The following PTPRD variants were observed in gnomAD, a reference collection of about 807,000 sequenced individuals.
The protein encoded by PTPRD is receptor-type tyrosine-protein phosphatase delta.
PTPRD carries 34 observed loss-of-function variants against 214.5 expected under a neutral mutation model. The observed-to-expected ratio is 0.16, with a 90% confidence interval of 0.12 to 0.21. PTPRD has a LOEUF of 0.21. Among genes scored for constraint, PTPRD ranks in the 10% least tolerant of loss-of-function variants. PTPRD has a pLI of 1.00. For synonymous variants in PTPRD, 1,128 were observed against 845.7 expected, an observed-to-expected ratio of 1.33 and a Z score of -5.79; for missense variants, 2,545 against 2,398.7, an observed-to-expected ratio of 1.06 and a Z score of -1.27.
At chr9:10,018,888 A>G (rs2096784467) in intron 4 of PTPRD, among the ~76,000 whole-genome samples, 1 of 152,088 alleles carries the variant, frequency 6.6e-6, no homozygotes, top group Non-Finnish European at 1.5e-5. Context: ...AATATGCACA[A>G]TACTTTAAGG....
chr9:8,559,824 G>A (rs753571020), intron 14 of PTPRD, among the ~76,000 whole-genome samples: 12 of 152,114 alleles, frequency 7.9e-5, no homozygotes, highest in Admixed American at 2.0e-4. Flanking sequence ...ACACCATTTC[G>A]ACTCTCAAAG....
intron 5 of PTPRD, among the ~76,000 whole-genome samples, chr9:9,924,469 G>T (rs2083571814): frequency 6.6e-6 from 1 of 151,798 alleles, no homozygotes; most frequent in Admixed American, 6.6e-5. Context: ...AAAAATAAAA[G>T]CAAATTTTAA....
At chr9:8,962,906 C>A (rs557267357) in intron 11 of PTPRD, 1 of 151,980 alleles carries the variant, frequency 6.6e-6, no homozygotes. Flanking sequence ...CTCCTTTAAC[C>A]GGCAATGTGG....
intron 7 of PTPRD, among the ~76,000 whole-genome samples, chr9:9,666,482 C>T (rs149749802): frequency 4.6e-5 from 7 of 152,046 alleles, no homozygotes; most frequent in South Asian, 2.1e-4. Flanking sequence ...CTTTTACTTT[C>T]TCCTTTGTGT....
chr9:8,822,310 CCTAA>C (rs2097086111), intron 11 of PTPRD, among the ~76,000 whole-genome samples: 1 of 152,094 alleles, frequency 6.6e-6, no homozygotes, highest in African/African-American at 2.4e-5. Context: ...GCTCTAGTAC[CCTAA>C]CTGCTATCAA....
chr9:9,119,169 G>A (rs2099815188), intron 10 of PTPRD, among the ~76,000 whole-genome samples: 1 of 152,128 alleles, frequency 6.6e-6, no homozygotes, highest in Admixed American at 6.5e-5. Flanking sequence ...GTTTAACCTT[G>A]TTGAGTTTAT....
intron 7 of PTPRD, among the ~76,000 whole-genome samples, chr9:9,626,969 G>A (rs1235094046): frequency 1.3e-5 from 2 of 152,178 alleles, no homozygotes; most frequent in Admixed American, 6.5e-5. Flanking sequence ...AGATAATTTA[G>A]GAATAGTATA....
At chr9:9,904,846 A>T (rs1364294730) in intron 5 of PTPRD, among the ~76,000 whole-genome samples, 1 of 152,082 alleles carries the variant, frequency 6.6e-6, no homozygotes, top group Non-Finnish European at 1.5e-5. Context: ...GAGAAATCGT[A>T]GGTGGGCAAT....
At chr9:10,306,777 G>T (rs948820871) in intron 3 of PTPRD, among the ~76,000 whole-genome samples, 1 of 152,084 alleles carries the variant, frequency 6.6e-6, no homozygotes, top group East Asian at 1.9e-4. Flanking sequence ...GATACAATGT[G>T]TGTATTCTAA....
At chr9:10,113,059 T>C (rs2098704567) in intron 3 of PTPRD, among the ~76,000 whole-genome samples, 1 of 152,202 alleles carries the variant, frequency 6.6e-6, no homozygotes, top group South Asian at 2.1e-4. Context: ...ACTCTTTCTG[T>C]GTCACACTCA....
intron 7 of PTPRD, among the ~76,000 whole-genome samples, chr9:9,661,675 C>A (rs1338309350): frequency 6.6e-6 from 1 of 151,734 alleles, no homozygotes; most frequent in African/African-American, 2.4e-5. Flanking sequence ...CAACTAGGGT[C>A]TTGCAAATAG....
chr9:9,313,441 T>C (rs1400913798), intron 9 of PTPRD, among the ~76,000 whole-genome samples: 1 of 152,122 alleles, frequency 6.6e-6, no homozygotes, highest in African/African-American at 2.4e-5. Flanking sequence ...TAAATAAGTG[T>C]CAGATACAGA....
chr9:8,743,547 G>A (rs1352118412), intron 11 of PTPRD, among the ~76,000 whole-genome samples: 1 of 152,124 alleles, frequency 6.6e-6, no homozygotes, highest in East Asian at 1.9e-4. Context: ...GCTAAGGAAA[G>A]TGGAATTAAA....
chr9:8,451,945 G>A (rs980552019), intron 33 of PTPRD: 2 of 480,020 alleles, frequency 4.2e-6, no homozygotes, highest in Non-Finnish European at 4.2e-6. Context: ...TGTGGCTGGG[G>A]TGAGTGACAC....
At chr9:9,827,057 T>C (rs1293190167) in intron 5 of PTPRD, among the ~76,000 whole-genome samples, 1 of 152,074 alleles carries the variant, frequency 6.6e-6, no homozygotes, top group South Asian at 2.1e-4. Context: ...AGAATCAATA[T>C]CGTGAAAATG....
At chr9:9,200,525 C>T (rs1196306515) in intron 9 of PTPRD, among the ~76,000 whole-genome samples, 1 of 152,130 alleles carries the variant, frequency 6.6e-6, no homozygotes, top group East Asian at 1.9e-4. Flanking sequence ...TCCTACAACC[C>T]TCTCACTTTA....
At chr9:8,903,416 T>A (rs1488070816) in intron 11 of PTPRD, among the ~76,000 whole-genome samples, 1 of 152,194 alleles carries the variant, frequency 6.6e-6, no homozygotes, top group East Asian at 1.9e-4. Context: ...ATCATTATCC[T>A]GTCTTTAAAG....
intron 9 of PTPRD, among the ~76,000 whole-genome samples, chr9:9,264,563 C>T (rs1029091505): frequency 6.6e-5 from 10 of 151,444 alleles, no homozygotes; most frequent in African/African-American, 2.4e-4. Flanking sequence ...CTAAATTTCA[C>T]ATCTTAGGAG....
chr9:10,139,749 A>G (rs1368413662), intron 3 of PTPRD, among the ~76,000 whole-genome samples: 1 of 152,064 alleles, frequency 6.6e-6, no homozygotes, highest in Non-Finnish European at 1.5e-5. Flanking sequence ...ACCTACAACC[A>G]TCTGATCTTC....
Sources: allele counts gnomAD v4.1 joint callset (sites outside exome capture counted in the v4.1 genomes callset), GRCh38; gene constraint gnomAD v4.1.1; transcripts MANE v1.5; gene names NCBI Gene and HGNC (gene_info 2026-07-23, HGNC 2026-07-21).